The following MYO15A variants were observed in gnomAD, a reference collection of about 807,000 sequenced individuals.
MYO15A encodes unconventional myosin-XV.
MYO15A carries 308 observed loss-of-function variants against 394.6 expected under a neutral mutation model. That is an observed-to-expected ratio of 0.78 (90% confidence interval 0.71 to 0.86). The LOEUF (loss-of-function observed/expected upper bound fraction) is 0.86, where lower values mean the gene tolerates loss of function less well. Among genes scored for constraint, MYO15A ranks in the 40% least tolerant of loss-of-function variants. MYO15A has a pLI of 0.00. For synonymous variants in MYO15A, 1,957 were observed against 2,003.8 expected (o/e 0.98, Z 0.62); for missense variants, 4,606 against 4,799.1 (o/e 0.96, Z 1.19).
In MYO15A at chr17:18,117,323, C is replaced by T. The variant is rs2045804179; in HGVS notation, c.-219-1259C>T. Among the ~76,000 whole-genome samples, 2 of 152,232 alleles carry T rather than the reference C, an allele frequency of 1.3e-5. No individual in the cohort carries two copies. The highest frequency in any genetic ancestry group is 4.8e-5 in the African/African-American group (2 of 41,458). On this transcript the variant is annotated intron_variant, in intron 1 of 65. Transcript: ENST00000647165. This position sits in a 1 kb window ranked among gnomAD's most constrained non-coding sequence, Gnocchi z 4.1. The stretch of plus-strand genomic sequence containing the variant: ...GACCTCACTTGCTGCATGGTCCCCT[C>T]TCTGCTCCTGCCACTTACCTGGGAA...
rs762450279 is a variant in MYO15A at position 18,140,790 on chromosome 17, C to T, written c.5364C>T (p.Cys1788=). The T allele has an allele frequency of 6.2e-7, 1 of 1,614,192 alleles. No homozygotes were observed. Among genetic ancestry groups the T allele is most frequent in the South Asian group, 1.1e-5 (1 of 91,090 alleles). ...LLDLVEKMER[C]NPLFMRCLKP... ...GTCCTCTTCCTGCCACTGCCAGGTG[C>T]AACCCCTTGTTCATGCGTTGCCTGA... The change falls in exon 21 of 66, where the codon TGC becomes TGT. Residue 1788 remains cysteine (C), a synonymous_variant. Coordinates refer to ENST00000647165, the MANE Select transcript of MYO15A (RefSeq NM_016239.4).
At position 18,137,477 on chromosome 17, in the gene MYO15A, G is replaced by A. The variant is rs1165980085; in HGVS notation, c.4780-107G>A. On this transcript the variant is annotated intron_variant, in intron 15 of 65. Transcript: ENST00000647165. ...AGCTGTGGAGGGTTGTGAGCTGAGG[G>A]CCTGTGGCTGAGCTCCAGCTTTTTG... 3.5e-6 allele frequency: 3 copies of A among 868,118 alleles called. No individual in the cohort carries two copies. The East Asian group carries it at 7.7e-5, about 22-fold the overall frequency. 53.8% of individuals were successfully genotyped at this position (868,118 alleles called of 1,614,324 possible).
intron 55 of MYO15A, 22 bp downstream of exon 55, chr17:18,159,701 A>C: frequency 6.2e-7 from 1 of 1,613,142 alleles, no homozygotes; most frequent in Non-Finnish European, 8.5e-7. Context: ...CAACTTTGCC[A>C]GATGCCCCCT....
chr17:18,159,310 C>T lies in MYO15A; in HGVS notation c.9192C>T (p.Asp3064=), dbSNP rs771837649. The change falls in exon 54 of 66, where the codon GAC becomes GAT. Residue 3064 remains aspartate (D), a synonymous_variant. Coordinates refer to ENST00000647165, the MANE Select transcript of MYO15A (RefSeq NM_016239.4). The stretch of plus-strand genomic sequence containing the variant: ...AGGAATCCCTCATCGAACTCAGCGA[C>T]AGCAGCCTCAGCAAGATGGCCACCG... The part of the protein sequence containing the change: ...PLQESLIELS[D]SSLSKMATDM... 8.1e-6 allele frequency: 13 copies of T among 1,614,238 alleles called. No individual in the cohort carries two copies. The highest frequency in any genetic ancestry group is 1.1e-5 in the Non-Finnish European group (13 of 1,180,042).
Position 18,161,582 on chromosome 17 carries a change from C to T in MYO15A, c.9517+135C>T. 12 of 1,337,694 alleles carry T rather than the reference C, an allele frequency of 9.0e-6. No homozygotes were observed. The South Asian group carries it at 1.3e-4, about 15-fold the overall frequency. 82.9% of individuals were successfully genotyped at this position (1,337,694 alleles called of 1,614,324 possible). ...AGCAATGTTTACCAATATTAATATA[C>T]TCCCCAAACATTTGTTAAGGTTTCA... On this transcript the variant is annotated intron_variant, in intron 57 of 65. Transcript: ENST00000647165.
intron 35 of MYO15A, chr17:18,149,912 C>T: frequency 2.6e-6 from 1 of 386,864 alleles, no homozygotes; most frequent in Non-Finnish European, 4.8e-6. Flanking sequence ...GTGATTGCAC[C>T]ACTGTGCTCC....
intron 62 of MYO15A, among the ~76,000 whole-genome samples, chr17:18,168,098 T>G (rs2046881862): frequency 6.6e-6 from 1 of 152,246 alleles, no homozygotes. Context: ...AGAAGTAACC[T>G]CAATATCCAG....
In MYO15A at chr17:18,150,815, ACCACTG is replaced by A; in HGVS notation, c.7396-16_7396-11del. 6.3e-7 allele frequency: 1 copy of A among 1,588,106 alleles called. No homozygotes were observed. The highest frequency in any genetic ancestry group is 8.6e-7 in the Non-Finnish European group (1 of 1,166,920). ...GGGTGGAGAATGGACCTGCCTGGTC[ACCACTG>A]CCACCTCTCCCCAGGCCCGGGAGAT... On this transcript the variant is annotated splice_polypyrimidine_tract_variant and intron_variant, in intron 37 of 65. Transcript: ENST00000647165. The surrounding 1 kb of genome is among the most constrained non-coding windows in gnomAD (Gnocchi z 4.4).
chr17:18,178,674 C>G, intron 65 of MYO15A, 95 bp from the exon 66 acceptor site: 1 of 1,215,306 alleles, frequency 8.2e-7, no homozygotes, highest in Non-Finnish European at 1.2e-6. Flanking sequence ...TGGTCTCCAC[C>G]TATCTCCCAA....
Position 18,120,188 on chromosome 17 carries a change from T to C in MYO15A, c.1388T>C (p.Met463Thr). The C allele has an allele frequency of 6.2e-7, 1 of 1,612,912 alleles. No individual in the cohort carries two copies. The highest frequency in any genetic ancestry group is 2.2e-5 in the East Asian group (1 of 44,872). The stretch of plus-strand genomic sequence containing the variant: ...GCCGCCTTCTTCGAGCAGCAAGGCA[T>C]GGATAAGCCCGCCAGGTCCAAGCTG... ...PSAAFFEQQG[M>T]DKPARSKLSL... The change falls in exon 2 of 66, where the codon ATG becomes ACG. Residue 463 changes from methionine to threonine, a missense_variant. Coordinates refer to ENST00000647165, the MANE Select transcript of MYO15A (RefSeq NM_016239.4).
intron 64 of MYO15A, among the ~76,000 whole-genome samples, chr17:18,173,319 C>T (rs1389789019): frequency 6.6e-6 from 1 of 152,156 alleles, no homozygotes; most frequent in Non-Finnish European, 1.5e-5. Flanking sequence ...AGGCTAGGTA[C>T]TTGACTCACA....
chr17:18,158,215 G>A, intron 51 of MYO15A: 1 of 589,654 alleles, frequency 1.7e-6, no homozygotes, highest in Non-Finnish European at 3.0e-6. Flanking sequence ...TTGGGGCGGT[G>A]CCAGGTGAGT....
Position 18,151,858 on chromosome 17 carries a change from G to A in MYO15A, c.7800G>A (p.Gly2600=). The A allele has an allele frequency of 6.3e-7, 1 of 1,577,014 alleles. No homozygotes were observed. The highest frequency in any genetic ancestry group is 1.2e-5 in the South Asian group (1 of 85,726). ...CCAATGCCCACAGGAAGGATGGCGG[G>A]AAAGTGTTCATGAAGCGGCCAGACC... ...GRPEALRKDG[G]KVFMKRPDPH... is the part of the protein sequence containing the mutation. The change falls in exon 41 of 66, where the codon GGG becomes GGA. Residue 2600 remains glycine (G), a synonymous_variant. Coordinates refer to ENST00000647165, the MANE Select transcript of MYO15A (RefSeq NM_016239.4).
chr17:18,118,713 C>T lies in MYO15A; in HGVS notation c.-88C>T, dbSNP rs2045830138. 2 of 1,591,314 alleles carry T rather than the reference C, an allele frequency of 1.3e-6. No individual in the cohort carries two copies. The highest frequency in any genetic ancestry group is 4.5e-5 in the East Asian group (2 of 43,994). On this transcript the variant is annotated 5_prime_UTR_variant, in exon 2 of 66. Coordinates refer to ENST00000647165, the MANE Select transcript of MYO15A (RefSeq NM_016239.4). ...CCCGAGGAGGCCGCGTGTCCAGCCG[C>T]GGGCAAGAGACAGAGCAGGTCCCTG...
Position 18,166,390 on chromosome 17 carries a change from G to T in MYO15A, c.9817G>T (p.Ala3273Ser). Residue 3273 changes from alanine to serine, a missense_variant, in exon 61 of 66, where the codon GCT becomes TCT. Ala to Ser is a moderately conservative substitution (Grantham distance 99, BLOSUM62 1). Coordinates refer to ENST00000647165, the MANE Select transcript of MYO15A (RefSeq NM_016239.4). ...GQHVCPLSRR[A>S]YILDVASEME... ...GCATGTGTGCCCACTCAGTCGCCGT[G>T]CTTACATCCTGGATGTGGCCTCAGA... The T allele has an allele frequency of 6.2e-7, 1 of 1,613,824 alleles. No homozygotes were observed. The highest frequency in any genetic ancestry group is 8.5e-7 in the Non-Finnish European group (1 of 1,180,042).
intron 57 of MYO15A, 136 bp from the exon 58 acceptor site, chr17:18,162,449 T>A: frequency 1.3e-6 from 1 of 768,332 alleles, no homozygotes; most frequent in East Asian, 2.7e-5. Flanking sequence ...TTTCCTCAAC[T>A]GTCAAATGGG....
rs1567624190 is a variant in MYO15A at position 18,121,179 on chromosome 17, GC to G, written c.2384del (p.Pro795ArgfsTer68). 4.6e-6 allele frequency: 7 copies of G among 1,512,152 alleles called. No individual in the cohort carries two copies. The highest frequency in any genetic ancestry group is 2.7e-5 in the East Asian group (1 of 37,064). The allele number at this position is 1,512,152 out of a possible 1,614,324, so 93.7% of individuals were successfully genotyped here. ...GCCTCGGCTACTGCTCACCCTTGGC[GC>G]CCCCGTCGCCTCAGCTGTCCTTGCG... ...PGLGYCSPLA[P>X]PSPQLSLRTG... On this transcript the variant is annotated frameshift_variant, in exon 2 of 66. Transcript: ENST00000647165. LOFTEE classifies it high-confidence loss of function. The surrounding 1 kb of genome is among the most constrained non-coding windows in gnomAD (Gnocchi z 5.3).
intron 5 of MYO15A, 90 bp from the exon 6 acceptor site, chr17:18,126,701 G>A (rs1394541047): frequency 1.4e-6 from 2 of 1,463,162 alleles, no homozygotes; most frequent in East Asian, 4.5e-5. Flanking sequence ...AGGATTGGCT[G>A]TTTGGCTGGA....
In MYO15A at chr17:18,133,294, G is replaced by A; in HGVS notation, c.4390G>A (p.Val1464Met). Residue 1464 changes from valine (V) to methionine (M), a missense_variant, in exon 12 of 66, where the codon GTG becomes ATG. By Grantham distance (21) the Val-to-Met change is conservative. Around this residue, in one of 2 missense-constraint regions of MYO15A, gnomAD observed 2,776 missense variants for 3,109.3 expected, o/e 0.89. Transcript: ENST00000647165. The stretch of plus-strand genomic sequence containing the variant: ...TCGCCGGCTCCTGGCTGCCATGGAG[G>A]TGTTGGGCTTCAGCAGTGAGGACCA... ...DFRRLLAAME[V>M]LGFSSEDQDS... is the part of the protein sequence containing the mutation. The A allele has an allele frequency of 6.2e-7, 1 of 1,614,160 alleles. No individual in the cohort carries two copies. Among genetic ancestry groups the A allele is most frequent in the Non-Finnish European group, 8.5e-7 (1 of 1,180,016 alleles).
Sources: gnomAD v4.1 joint callset for allele counts (sites outside exome capture counted in the v4.1 genomes callset) on GRCh38, gnomAD v4.1.1 for gene constraint, gnomAD v4.1.1 regional missense constraint, Gnocchi (gnomAD v3.1) non-coding constraint, MANE v1.5 for transcripts, NCBI Gene and HGNC (gene_info 2026-07-23, HGNC 2026-07-21) for gene names.